The following PCDH9 variants were observed in gnomAD, a reference collection of about 807,000 sequenced individuals.
The protein encoded by PCDH9 is protocadherin 9.
Under a neutral mutation model 70.6 loss-of-function variants are expected in PCDH9, and 24 were observed. The ratio of observed to expected loss-of-function variants is 0.34; its 90% CI spans 0.25 to 0.48. The LOEUF (loss-of-function observed/expected upper bound fraction) is 0.48, where lower values mean the gene tolerates loss of function less well. PCDH9 is among the 20% of genes least tolerant of loss of function. The pLI is 0.99. For synonymous variants in PCDH9, 562 were observed against 558.5 expected, an observed-to-expected ratio of 1.01 and a Z score of -0.09; for missense variants, 1,281 against 1,503.6, an observed-to-expected ratio of 0.85 and a Z score of 2.45.
intron 4 of PCDH9, among the ~76,000 whole-genome samples, chr13:66,333,996 T>C (rs970850756): frequency 2.6e-5 from 4 of 152,152 alleles, no homozygotes; most frequent in Non-Finnish European, 4.4e-5. Context: ...CAAATCTGGG[T>C]AATTAAGATA....
At chr13:66,679,240 T>G (rs2078285545) in intron 3 of PCDH9, among the ~76,000 whole-genome samples, 1 of 151,838 alleles carries the variant, frequency 6.6e-6, no homozygotes, top group Non-Finnish European at 1.5e-5. Context: ...TTATAATTCC[T>G]TATTAATTAT....
chr13:66,873,267 C>G (rs1463026596), intron 3 of PCDH9, among the ~76,000 whole-genome samples: 1 of 152,050 alleles, frequency 6.6e-6, no homozygotes, highest in Non-Finnish European at 1.5e-5. Context: ...TCTATAAAAA[C>G]ATTTAAAATA....
chr13:66,773,408 C>T (rs1389056400), intron 3 of PCDH9, among the ~76,000 whole-genome samples: 4 of 151,856 alleles, frequency 2.6e-5, no homozygotes. Flanking sequence ...GCGGGTGGAT[C>T]GCGAGGTCAG....
At chr13:67,170,887 T>C (rs913780153) in intron 2 of PCDH9, among the ~76,000 whole-genome samples, 1 of 152,092 alleles carries the variant, frequency 6.6e-6, no homozygotes, top group Non-Finnish European at 1.5e-5. Context: ...ATTGCGCCAC[T>C]GCACTCCAGC....
At chr13:67,113,268 A>G (rs969703628) in intron 2 of PCDH9, among the ~76,000 whole-genome samples, 13 of 152,192 alleles carry the variant, frequency 8.5e-5, no homozygotes, top group African/African-American at 2.9e-4. Flanking sequence ...TTAGATACAT[A>G]TAACTTTACT....
At chr13:66,479,593 A>G (rs1958800120) in intron 4 of PCDH9, among the ~76,000 whole-genome samples, 1 of 152,040 alleles carries the variant, frequency 6.6e-6, no homozygotes, top group African/African-American at 2.4e-5. Context: ...CTATCTAGCT[A>G]GAGGATTGTA....
chr13:67,031,409 A>G (rs998306265), intron 2 of PCDH9, among the ~76,000 whole-genome samples: 16 of 152,346 alleles, frequency 1.1e-4, no homozygotes, highest in African/African-American at 3.8e-4. Context: ...CAATGTTTAT[A>G]ATATAATTAT....
intron 3 of PCDH9, among the ~76,000 whole-genome samples, chr13:66,707,304 T>G (rs114236682): frequency 0.017 from 2,636 of 152,292 alleles, 87 homozygotes; most frequent in African/African-American, 0.06. Flanking sequence ...TTTCAAAATC[T>G]AAATATTTGT....
chr13:66,740,650 A>G (rs902979075), intron 3 of PCDH9, among the ~76,000 whole-genome samples: 1 of 150,506 alleles, frequency 6.6e-6, no homozygotes, highest in African/African-American at 2.4e-5. Context: ...AAAAAATGAT[A>G]AAGGGGATAT....
At chr13:66,823,195 C>A (rs1381999761) in intron 3 of PCDH9, among the ~76,000 whole-genome samples, 1 of 151,542 alleles carries the variant, frequency 6.6e-6, no homozygotes, top group East Asian at 1.9e-4. Flanking sequence ...TTTTTAGAGG[C>A]CAAACAGAAA....
chr13:66,723,954 C>T (rs1178381314), intron 3 of PCDH9, among the ~76,000 whole-genome samples: 2 of 152,060 alleles, frequency 1.3e-5, no homozygotes, highest in Non-Finnish European at 2.9e-5. Flanking sequence ...ACATGGTTTT[C>T]CTTAATTGGA....
intron 2 of PCDH9, chr13:67,216,638 A>G (rs896629314): frequency 5.0e-5 from 7 of 140,048 alleles, no homozygotes; most frequent in Non-Finnish European, 9.3e-5. Context: ...GCAAGAAAGG[A>G]CACATCATAG....
At chr13:66,730,601 T>C (rs2079059716) in intron 3 of PCDH9, among the ~76,000 whole-genome samples, 1 of 152,046 alleles carries the variant, frequency 6.6e-6, no homozygotes. Flanking sequence ...GTGGAGCATA[T>C]GTATATATCA....
chr13:66,448,419 T>C (rs1156627517), intron 4 of PCDH9, among the ~76,000 whole-genome samples: 1 of 152,190 alleles, frequency 6.6e-6, no homozygotes, highest in Non-Finnish European at 1.5e-5. Context: ...TGTTAGTTCT[T>C]TTCACTACAT....
At chr13:66,852,533 G>A (rs1444058933) in intron 3 of PCDH9, among the ~76,000 whole-genome samples, 4 of 152,162 alleles carry the variant, frequency 2.6e-5, no homozygotes, top group African/African-American at 9.7e-5. Context: ...CTTGAGAACT[G>A]AGACTGAGAG....
intron 3 of PCDH9, among the ~76,000 whole-genome samples, chr13:66,678,903 C>G (rs1566500419): frequency 6.6e-6 from 1 of 151,598 alleles, no homozygotes; most frequent in East Asian, 1.9e-4. Flanking sequence ...AGTGAACACT[C>G]AAAAGAAAAC....
chr13:67,133,423 G>A (rs1440161469), intron 2 of PCDH9, among the ~76,000 whole-genome samples: 1 of 152,062 alleles, frequency 6.6e-6, no homozygotes, highest in Admixed American at 6.6e-5. Flanking sequence ...CATTTGCATA[G>A]AGGCTGAATG....
chr13:66,618,050 C>T (rs2077380260), intron 4 of PCDH9, among the ~76,000 whole-genome samples: 2 of 152,170 alleles, frequency 1.3e-5, no homozygotes, highest in Admixed American at 6.5e-5. Flanking sequence ...AGCCTGGCCC[C>T]TCCTCTTCCT....
chr13:66,625,527 A>C (rs902780897), intron 4 of PCDH9, among the ~76,000 whole-genome samples: 46 of 152,354 alleles, frequency 3.0e-4, no homozygotes, highest in African/African-American at 9.4e-4. Context: ...TCGTTTTATC[A>C]ATAAACACAA....
Sources: gnomAD v4.1 joint callset for allele counts (sites outside exome capture counted in the v4.1 genomes callset) on GRCh38, gnomAD v4.1.1 for gene constraint, MANE v1.5 for transcripts, NCBI Gene and HGNC (gene_info 2026-07-23, HGNC 2026-07-21) for gene names.